NRXN1: variants seen among roughly 807,000 people sequenced by gnomAD.
NRXN1 encodes the protein neurexin 1, also known as neurexin-1.
In NRXN1, 39 loss-of-function variants were observed where a neutral mutation model predicts 150.9. The ratio of observed to expected loss-of-function variants is 0.26; its 90% CI spans 0.20 to 0.34. The LOEUF is 0.34. Among genes scored for constraint, NRXN1 ranks in the 10% least tolerant of loss-of-function variants. The pLI is 1.00. For synonymous variants in NRXN1, 924 were observed against 757.0 expected (o/e 1.22, Z -3.62); for missense variants, 1,815 against 1,949.9 (o/e 0.93, Z 1.30).
In NRXN1 at chr2:50,257,157, T is replaced by G. The variant is rs548164512; in HGVS notation, c.3365-20187A>C. Among the ~76,000 whole-genome samples the G allele has an allele frequency of 2.0e-5, 3 of 152,188 alleles. No individual in the cohort carries two copies. In the East Asian group the frequency reaches 5.8e-4, roughly 29 times the overall value. On this transcript the variant is annotated intron_variant, in intron 17 of 22. Transcript: ENST00000401669. ...GAGATTAATATTCAAAGAGCTAAAA[T>G]TATTTGTCCATGGTCACAAAGTAAT...
At chr2:50,971,727 C>T (rs556033985) in intron 2 of NRXN1, among the ~76,000 whole-genome samples, 3 of 152,160 alleles carry the variant, frequency 2.0e-5, no homozygotes, top group Admixed American at 1.3e-4. Context: ...GACATTTACA[C>T]CTTTCTGATC....
intron 5 of NRXN1, among the ~76,000 whole-genome samples, chr2:50,743,808 T>C (rs912800532): frequency 9.2e-5 from 14 of 152,282 alleles, no homozygotes; most frequent in Admixed American, 8.5e-4. Context: ...GACTACTTTA[T>C]ACTGAATTTA....
intron 2 of NRXN1, among the ~76,000 whole-genome samples, chr2:50,981,322 G>C (rs1696755492): frequency 6.6e-6 from 1 of 151,614 alleles, no homozygotes; most frequent in Non-Finnish European, 1.5e-5. Flanking sequence ...GCCAGGTGTG[G>C]TGACAGGCAC....
intron 17 of NRXN1, among the ~76,000 whole-genome samples, chr2:50,405,582 G>C (rs924247535): frequency 6.6e-6 from 1 of 152,060 alleles, no homozygotes; most frequent in Non-Finnish European, 1.5e-5. Flanking sequence ...CTGAAATAAT[G>C]GTGATTTTCA....
At chr2:50,023,467 C>T (rs954173092) in intron 21 of NRXN1, 13 of 151,862 alleles carry the variant, frequency 8.6e-5, no homozygotes, top group African/African-American at 2.9e-4. Flanking sequence ...CATTTTTTCT[C>T]CTGTAAATGC....
chr2:50,898,290 C>T (rs926084045), intron 5 of NRXN1, among the ~76,000 whole-genome samples: 1 of 151,916 alleles, frequency 6.6e-6, no homozygotes. Context: ...CAGAGATTTC[C>T]AACACTTTCT....
chr2:50,789,096 T>C lies in NRXN1; in HGVS notation c.832+132773A>G, dbSNP rs532434944. ...AACAAAGGCATATTAAGGAATTTCA[T>C]ATATTCCAGAATGGCCAAGGATTTT... On this transcript the variant is annotated intron_variant, in intron 5 of 22. Coordinates refer to ENST00000401669, the MANE Select transcript of NRXN1 (RefSeq NM_001330078.2). Among the ~76,000 whole-genome samples, 35 of 152,310 alleles carry C rather than the reference T, an allele frequency of 2.3e-4. No individual in the cohort carries two copies. The South Asian group carries it at 7.2e-3, about 32-fold the overall frequency.
chr2:50,874,714 T>C (rs1229876321), intron 5 of NRXN1, among the ~76,000 whole-genome samples: 2 of 151,806 alleles, frequency 1.3e-5, no homozygotes, highest in Non-Finnish European at 2.9e-5. Flanking sequence ...TTTAACACAA[T>C]TAACAGAAAA....
Position 50,796,332 on chromosome 2 carries a change from G to A in NRXN1, c.832+125537C>T, listed in dbSNP as rs559520344. 3.3e-5 allele frequency among the ~76,000 whole-genome samples: 5 copies of A among 152,184 alleles called. No individual in the cohort carries two copies. The South Asian group carries it at 1.0e-3, about 32-fold the overall frequency. On this transcript the variant is annotated intron_variant, in intron 5 of 22. Coordinates refer to ENST00000401669, the MANE Select transcript of NRXN1 (RefSeq NM_001330078.2). ...TTTAACCACTTCATCATATTTGTTG[G>A]ATCACTCTGTTCTGAACATAAGCAA...
At chr2:50,910,727 A>C (rs1684397308) in intron 5 of NRXN1, among the ~76,000 whole-genome samples, 1 of 152,036 alleles carries the variant, frequency 6.6e-6, no homozygotes, top group East Asian at 1.9e-4. Flanking sequence ...TCCTAAAAAA[A>C]GAATAATCCA....
chr2:50,080,500 A>T (rs1667022235), intron 19 of NRXN1, among the ~76,000 whole-genome samples: 1 of 152,086 alleles, frequency 6.6e-6, no homozygotes, highest in Non-Finnish European at 1.5e-5. Flanking sequence ...TATCTTTATG[A>T]TATTGGACAC....
At chr2:50,779,928 C>T (rs1028414855) in intron 5 of NRXN1, among the ~76,000 whole-genome samples, 31 of 152,056 alleles carry the variant, frequency 2.0e-4, no homozygotes, top group Admixed American at 4.6e-4. Context: ...TTCTAGATCC[C>T]TGAGGAACCA....
chr2:50,628,951 T>G (rs548665956), intron 5 of NRXN1, among the ~76,000 whole-genome samples: 1 of 151,574 alleles, frequency 6.6e-6, no homozygotes, highest in Admixed American at 6.6e-5. Context: ...AACAGCACAC[T>G]CCACAGAATG....
chr2:50,321,589 T>C (rs1448292521), intron 17 of NRXN1, among the ~76,000 whole-genome samples: 2 of 152,268 alleles, frequency 1.3e-5, no homozygotes, highest in East Asian at 1.9e-4. Context: ...TAAGTAGCAG[T>C]ACTTTTCGAG....
chr2:51,026,532 C>G, intron 2 of NRXN1: 1 of 1,061,506 alleles, frequency 9.4e-7, no homozygotes, highest in East Asian at 2.6e-5. Context: ...CTGTTTTAAG[C>G]CCCAAGAACC....
chr2:50,726,381 G>A (rs189736758), intron 5 of NRXN1, among the ~76,000 whole-genome samples: 129 of 152,242 alleles, frequency 8.5e-4, no homozygotes, highest in African/African-American at 2.9e-3. Context: ...GCGTGGTGGC[G>A]CCCGCCTGCA....
chr2:50,790,439 T>C (rs754266856), intron 5 of NRXN1, among the ~76,000 whole-genome samples: 1 of 152,076 alleles, frequency 6.6e-6, no homozygotes, highest in Admixed American at 6.5e-5. Flanking sequence ...CCTCTCTACA[T>C]AAACATAAAT....
chr2:50,707,881 T>A (rs1041095134), intron 5 of NRXN1, among the ~76,000 whole-genome samples: 1 of 152,214 alleles, frequency 6.6e-6, no homozygotes, highest in Non-Finnish European at 1.5e-5. Flanking sequence ...TAACAGTGTT[T>A]ACATTTAAAT....
intron 5 of NRXN1, among the ~76,000 whole-genome samples, chr2:50,711,664 C>T (rs1430163102): frequency 6.6e-6 from 1 of 152,000 alleles, no homozygotes; most frequent in African/African-American, 2.4e-5. Context: ...GTATCACTGA[C>T]TGCTATGGTT....
Sources: gnomAD v4.1 joint callset for allele counts (sites outside exome capture counted in the v4.1 genomes callset) on GRCh38, gnomAD v4.1.1 for gene constraint, MANE v1.5 for transcripts, NCBI Gene and HGNC (gene_info 2026-07-23, HGNC 2026-07-21) for gene names.